The following SVIL variants were observed in gnomAD, a reference collection of about 807,000 sequenced individuals.
The protein encoded by SVIL is supervillin, also known as archvillin.
SVIL carries 101 observed loss-of-function variants against 240.4 expected under a neutral mutation model. The ratio of observed to expected loss-of-function variants is 0.42; its 90% confidence interval spans 0.36 to 0.50. SVIL has a LOEUF of 0.50. SVIL is among the 20% of genes least tolerant of loss of function. The pLI, the probability that SVIL is intolerant of heterozygous loss-of-function variation, is 0.01. For synonymous variants in SVIL, 999 were observed against 1,100.0 expected, an observed-to-expected ratio of 0.91 and a Z score of 1.82; for missense variants, 2,512 against 2,818.7, an observed-to-expected ratio of 0.89 and a Z score of 2.46.
chr10:29,548,750 C>G (rs916913958), intron 6 of SVIL, among the ~76,000 whole-genome samples: 2 of 152,200 alleles, frequency 1.3e-5, no homozygotes, highest in Non-Finnish European at 2.9e-5. Context: ...GGTGCTTCTT[C>G]TGCTCTGTGA....
At chr10:29,710,679 T>C (rs1172137423) in intron 1 of SVIL, among the ~76,000 whole-genome samples, 3 of 152,184 alleles carry the variant, frequency 2.0e-5, no homozygotes, top group African/African-American at 7.2e-5. Flanking sequence ...CCTTTTCAAA[T>C]CTGCAACAAT....
chr10:29,586,592 G>C (rs1335298916), intron 1 of SVIL, among the ~76,000 whole-genome samples: 10 of 152,042 alleles, frequency 6.6e-5, no homozygotes, highest in Non-Finnish European at 1.5e-5. Flanking sequence ...CTATACACAT[G>C]ACCTCACCAT....
At position 29,702,031 on chromosome 10, in the gene SVIL, C is replaced by T. The variant is rs1032025761; in HGVS notation, c.-399-15380G>A. Among the ~76,000 whole-genome samples, 11 of 151,712 alleles carry T rather than the reference C, an allele frequency of 7.3e-5. No individual in the cohort carries two copies. The South Asian group carries it at 1.0e-3, about 14-fold the overall frequency. On this transcript the variant is annotated intron_variant, in intron 1 of 35. Transcript: ENST00000375400. ...TCTACTAAAATAAACAAAAATTAGC[C>T]GGGCGTGGTGGCAGGTGCCTGTAAT...
intron 1 of SVIL, among the ~76,000 whole-genome samples, chr10:29,594,780 C>A (rs1469386002): frequency 6.6e-6 from 1 of 152,194 alleles, no homozygotes; most frequent in East Asian, 1.9e-4. Context: ...CAGTCTTGAA[C>A]TCCTGGGCTC....
At chr10:29,729,606 T>C (rs929099780) in intron 1 of SVIL, among the ~76,000 whole-genome samples, 16 of 146,656 alleles carry the variant, frequency 1.1e-4, no homozygotes, top group Admixed American at 8.9e-4. Flanking sequence ...GAGGCCGAGG[T>C]GGGCAGATCA....
At chr10:29,731,355 GAA>G (rs1025767608) in intron 1 of SVIL, among the ~76,000 whole-genome samples, 1 of 152,100 alleles carries the variant, frequency 6.6e-6, no homozygotes. Flanking sequence ...CTTATAAACT[GAA>G]GTTTTCTCAT....
chr10:29,527,020 G>A lies in SVIL; in HGVS notation c.2283C>T (p.His761=), dbSNP rs781689339. ...GGCTAGGAAGTCTCGCCATTACAGGGTGGGTGCCCCCAGAACACGAAGCGG... is the reference window on the plus strand; with the variant it reads ...GGCTAGGAAGTCTCGCCATTACAGGATGGGTGCCCCCAGAACACGAAGCGG... The part of the protein sequence containing the change: ...PIPASCSGGT[H]PVMARLPSPT... Residue 761 remains histidine (H), a synonymous_variant, in exon 13 of 38, where the codon CAC becomes CAT. Coordinates refer to ENST00000355867, the MANE Select transcript of SVIL (RefSeq NM_021738.3). The A allele has an allele frequency of 1.4e-5, 22 of 1,613,658 alleles. No individual in the cohort carries two copies. Among genetic ancestry groups the A allele is most frequent in the African/African-American group, 6.7e-5 (5 of 74,906 alleles).
chr10:29,699,086 T>C (rs1050368462), intron 1 of SVIL, among the ~76,000 whole-genome samples: 1 of 152,208 alleles, frequency 6.6e-6, no homozygotes, highest in Non-Finnish European at 1.5e-5. Context: ...GCTGAATACA[T>C]GAACAGATTT....
intron 23 of SVIL, 45 bp from the exon 24 acceptor site, chr10:29,487,344 G>T (rs1355524004): frequency 3.1e-6 from 5 of 1,610,272 alleles, no homozygotes; most frequent in South Asian, 1.1e-5. Context: ...ACAGAACGGG[G>T]ATAGGACGCA....
At chr10:29,610,019 C>G (rs930081536) in intron 1 of SVIL, among the ~76,000 whole-genome samples, 8 of 152,196 alleles carry the variant, frequency 5.3e-5, no homozygotes, top group African/African-American at 1.9e-4. Context: ...TGACCTCCCT[C>G]CCCCTGAGAG....
intron 1 of SVIL, among the ~76,000 whole-genome samples, chr10:29,599,178 T>A (rs1048530508): frequency 6.6e-6 from 1 of 152,200 alleles, no homozygotes; most frequent in Non-Finnish European, 1.5e-5. Context: ...AGCAGGACTA[T>A]CTCATCCCTG....
intron 6 of SVIL, among the ~76,000 whole-genome samples, chr10:29,548,005 A>G (rs1473712839): frequency 6.6e-6 from 1 of 152,256 alleles, no homozygotes; most frequent in Non-Finnish European, 1.5e-5. Flanking sequence ...ATTTCAAAAT[A>G]TGAGACAGTA....
chr10:29,460,404 G>T (rs951506967), intron 36 of SVIL, among the ~76,000 whole-genome samples: 14 of 152,062 alleles, frequency 9.2e-5, no homozygotes, highest in African/African-American at 3.4e-4. Flanking sequence ...ACAGTAAATG[G>T]CCCCGCTGCT....
chr10:29,656,172 TGTGA>T (rs1170313006), intron 3 of SVIL, among the ~76,000 whole-genome samples: 5 of 151,204 alleles, frequency 3.3e-5, no homozygotes, highest in African/African-American at 1.2e-4. Flanking sequence ...CCTGGCCGAG[TGTGA>T]GTGTTTTTTT....
At chr10:29,522,074 C>T (rs1950592309) in intron 16 of SVIL, among the ~76,000 whole-genome samples, 1 of 151,796 alleles carries the variant, frequency 6.6e-6, no homozygotes, top group Admixed American at 6.6e-5. Flanking sequence ...GATTTCAGCT[C>T]CTGTCATTAG....
At position 29,523,768 on chromosome 10, in the gene SVIL, T is replaced by C; in HGVS notation, c.2846A>G (p.Glu949Gly). ...ENKGMLREYG[E>G]TESKRALTGR... is the part of the protein sequence containing the mutation. Reference sequence around the variant, plus strand: ...TGTCAAAGCTCTCTTGCTTTCTGTCTCTCCATATTCTCTCAACATTCCCTT... The same window carrying C: ...TGTCAAAGCTCTCTTGCTTTCTGTCCCTCCATATTCTCTCAACATTCCCTT... Residue 949 changes from glutamate (E) to glycine (G), a missense_variant, in exon 15 of 38, where the codon GAG (glutamate) becomes GGG (glycine). By Grantham distance (98) the Glu-to-Gly change is moderately conservative. Transcript: ENST00000355867. 6.2e-7 allele frequency: 1 copy of C among 1,614,228 alleles called. No individual in the cohort carries two copies. Among genetic ancestry groups the C allele is most frequent in the East Asian group, 2.2e-5 (1 of 44,884 alleles).
rs61095076 is a variant in SVIL at position 29,694,231 on chromosome 10, C to CAAA, written c.-399-7583_-399-7581dup. 4.9e-4 allele frequency among the ~76,000 whole-genome samples: 49 copies of CAAA among 99,834 alleles called. 1 individual carries two copies. Among genetic ancestry groups the CAAA allele is most frequent in the East Asian group, 4.9e-3 (15 of 3,076 alleles). The allele number at this position is 99,834 out of a possible 152,430, so 65.5% of individuals were successfully genotyped here. On this transcript the variant is annotated intron_variant, in intron 1 of 35. Coordinates refer to the SVIL transcript ENST00000375400. ...CAACAGAGCAAGACACTGTGTCTAC[C>CAAA]AAAAAAAAAAAAAAAAAAAATCTTT...
At chr10:29,465,540 T>C in intron 34 of SVIL, 55 bp downstream of exon 34, 1 of 1,540,992 alleles carries the variant, frequency 6.5e-7, no homozygotes, top group Non-Finnish European at 8.7e-7. Context: ...ATCAAAAGGC[T>C]TTCTGGAAGA....
At chr10:29,593,402 G>A (rs965874841) in intron 1 of SVIL, among the ~76,000 whole-genome samples, 2 of 152,068 alleles carry the variant, frequency 1.3e-5, no homozygotes, top group Non-Finnish European at 2.9e-5. Context: ...CTGTGGACTC[G>A]AGAGCATTTC....
Sources: allele counts gnomAD v4.1 joint callset (sites outside exome capture counted in the v4.1 genomes callset), GRCh38; gene constraint gnomAD v4.1.1; transcripts MANE v1.5; gene names NCBI Gene and HGNC (gene_info 2026-07-23, HGNC 2026-07-21).